Variants in PSMA8 observed in about 807,000 individuals in gnomAD.
PSMA8 encodes proteasome 20S subunit alpha 8.
Under a neutral mutation model 32.4 loss-of-function variants are expected in PSMA8, and 18 were observed. The observed-to-expected ratio is 0.56, with a 90% CI of 0.38 to 0.82. PSMA8 has a LOEUF of 0.82. Ranked by LOEUF, PSMA8 falls within the 40% of genes least tolerant of loss-of-function variation. The pLI is 0.00. For synonymous variants in PSMA8, 104 were observed against 98.1 expected (o/e 1.06, Z -0.36); for missense variants, 298 against 300.7 (o/e 0.99, Z 0.07).
intron 4 of PSMA8, among the ~76,000 whole-genome samples, chr18:26,176,345 A>G (rs948872683): frequency 1.1e-4 from 17 of 152,306 alleles, no homozygotes; most frequent in African/African-American, 4.1e-4. Flanking sequence ...GGTAGCAACT[A>G]GTTACCAAAA....
chr18:26,188,075 A>G (rs535520585), intron 6 of PSMA8, among the ~76,000 whole-genome samples: 1 of 152,266 alleles, frequency 6.6e-6, no homozygotes, highest in South Asian at 2.1e-4. Flanking sequence ...TTGAAATAAT[A>G]TCAAGCATCA....
chr18:26,135,578 T>C (rs2054905027), intron 1 of PSMA8, among the ~76,000 whole-genome samples: 1 of 152,220 alleles, frequency 6.6e-6, no homozygotes, highest in Non-Finnish European at 1.5e-5. Flanking sequence ...GAAAGCCTGA[T>C]GTAGCTTAAA....
rs998393364 is a variant in PSMA8 at position 26,143,876 on chromosome 18, T to G, written c.103-683T>G. 2.0e-5 allele frequency among the ~76,000 whole-genome samples: 3 copies of G among 152,094 alleles called. 1 individual carries two copies. The highest frequency in any genetic ancestry group is 3.9e-4 in the East Asian group (2 of 5,172). On this transcript the variant is annotated intron_variant, in intron 1 of 6. Coordinates refer to ENST00000415576, the MANE Select transcript of PSMA8 (RefSeq NM_001025096.2). ...TGCTGGGACTACAGGTGCCTGCCAC[T>G]ATGCCCGGCTAATTTTTGTGTTTTT...
chr18:26,179,552 A>G (rs1215303508), intron 6 of PSMA8, among the ~76,000 whole-genome samples: 4 of 152,178 alleles, frequency 2.6e-5, no homozygotes, highest in Non-Finnish European at 1.5e-5. Flanking sequence ...GGCAAGTCTC[A>G]TGTTATTATA....
chr18:26,138,499 G>A (rs1568052408), intron 1 of PSMA8, among the ~76,000 whole-genome samples: 1 of 152,220 alleles, frequency 6.6e-6, no homozygotes, highest in Non-Finnish European at 1.5e-5. Context: ...TTTGTCTCAT[G>A]TCTAGCTCTG....
At chr18:26,154,319 G>T (rs35914203) in intron 3 of PSMA8, among the ~76,000 whole-genome samples, 16,636 of 152,052 alleles carry the variant, frequency 0.11, 1,475 homozygotes, top group African/African-American at 0.26. Context: ...CTTGAAATTT[G>T]TTAATGCAGG....
At chr18:26,167,923 A>G (rs1427855246) in intron 4 of PSMA8, among the ~76,000 whole-genome samples, 2 of 92,976 alleles carry the variant, frequency 2.2e-5, no homozygotes, top group Non-Finnish European at 3.5e-5. Context: ...ATAGATGAAA[A>G]TGGTTAAGTA....
intron 6 of PSMA8, among the ~76,000 whole-genome samples, chr18:26,180,354 G>C (rs539694705): frequency 6.6e-4 from 101 of 152,176 alleles, no homozygotes; most frequent in Non-Finnish European, 8.1e-4. Context: ...GGGGTTTTTT[G>C]TTTGTTTGTT....
At chr18:26,165,160 C>G (rs373182672) in intron 4 of PSMA8, among the ~76,000 whole-genome samples, 1 of 152,132 alleles carries the variant, frequency 6.6e-6, no homozygotes, top group East Asian at 1.9e-4. Flanking sequence ...CCACCCACCT[C>G]AGCTTCCGAA....
rs1236636164 is a variant in PSMA8 at position 26,139,663 on chromosome 18, T to C, written c.103-4896T>C. On this transcript the variant is annotated intron_variant, in intron 1 of 6. Transcript: ENST00000415576. ...GTGTTCAATAAGACTAAATATAGACTATAGACTAAGCCGAGGATAGTCTAC... is the reference window on the plus strand; with the variant it reads ...GTGTTCAATAAGACTAAATATAGACCATAGACTAAGCCGAGGATAGTCTAC... Among the ~76,000 whole-genome samples, 3 of 152,336 alleles carry C rather than the reference T, an allele frequency of 2.0e-5. No homozygotes were observed. The East Asian group carries it at 5.8e-4, about 29-fold the overall frequency.
chr18:26,172,319 T>C (rs2055228707), intron 4 of PSMA8, among the ~76,000 whole-genome samples: 1 of 152,212 alleles, frequency 6.6e-6, no homozygotes, highest in Admixed American at 6.5e-5. Context: ...ATTTTAGCCA[T>C]GTAGGCATTG....
chr18:26,145,967 C>T (rs536962344), intron 2 of PSMA8, among the ~76,000 whole-genome samples: 1 of 152,274 alleles, frequency 6.6e-6, no homozygotes, highest in South Asian at 2.1e-4. Flanking sequence ...TAAATTCCAA[C>T]TAGCAATATA....
chr18:26,161,657 G>A (rs1003932569), intron 4 of PSMA8, among the ~76,000 whole-genome samples: 1 of 152,202 alleles, frequency 6.6e-6, no homozygotes, highest in African/African-American at 2.4e-5. Flanking sequence ...AGAATGGCTT[G>A]AGCCCAGGAG....
intron 1 of PSMA8, among the ~76,000 whole-genome samples, chr18:26,140,374 A>G (rs1209039581): frequency 6.6e-6 from 1 of 152,158 alleles, no homozygotes; most frequent in Non-Finnish European, 1.5e-5. Flanking sequence ...TACTCTCCTT[A>G]CCACACATGG....
chr18:26,156,235 G>T lies in PSMA8; in HGVS notation c.355-1887G>T, dbSNP rs80016039. ...ATTAATACAGACATTATGGAAAATA[G>T]TATGGAGGTTCCTCAGAAAACTATT... is the stretch of plus-strand genomic sequence containing the variant. On this transcript the variant is annotated intron_variant, in intron 3 of 6. Transcript: ENST00000415576. Among the ~76,000 whole-genome samples the T allele has an allele frequency of 1.2e-4, 19 of 152,290 alleles. No homozygotes were observed. The East Asian group carries it at 3.7e-3, about 29-fold the overall frequency.
chr18:26,152,800 T>C (rs996847972), intron 3 of PSMA8, among the ~76,000 whole-genome samples: 3 of 150,546 alleles, frequency 2.0e-5, no homozygotes, highest in Non-Finnish European at 4.4e-5. Context: ...TAATCTTTTA[T>C]AATTATACCA....
chr18:26,172,906 G>T (rs1568066528), intron 4 of PSMA8, among the ~76,000 whole-genome samples: 1 of 152,150 alleles, frequency 6.6e-6, no homozygotes, highest in Non-Finnish European at 1.5e-5. Context: ...CAGTGAACAA[G>T]CTTCTTCTTT....
chr18:26,137,252 G>A (rs2144264996), intron 1 of PSMA8, among the ~76,000 whole-genome samples: 1 of 152,294 alleles, frequency 6.6e-6, no homozygotes, highest in Admixed American at 6.5e-5. Context: ...GAGGTCAGGA[G>A]TTTGAGACCA....
intron 6 of PSMA8, among the ~76,000 whole-genome samples, chr18:26,191,703 C>A (rs1425811004): frequency 6.6e-6 from 1 of 152,048 alleles, no homozygotes; most frequent in Non-Finnish European, 1.5e-5. Context: ...GATCCACCCA[C>A]CTCGGCCTCC....
Sources: gnomAD v4.1 joint callset for allele counts (sites outside exome capture counted in the v4.1 genomes callset) on GRCh38, gnomAD v4.1.1 for gene constraint, MANE v1.5 for transcripts, NCBI Gene and HGNC (gene_info 2026-07-23, HGNC 2026-07-21) for gene names.